GATM: variants seen among roughly 807,000 people sequenced by gnomAD.
GATM encodes the protein glycine amidinotransferase, mitochondrial.
GATM carries 23 observed loss-of-function variants against 54.2 expected under a neutral mutation model. The observed-to-expected ratio is 0.42, with a 90% CI of 0.31 to 0.60. The LOEUF (loss-of-function observed/expected upper bound fraction) is 0.60. Among genes scored for constraint, GATM ranks in the 20% least tolerant of loss-of-function variants. The pLI, the probability that GATM is intolerant of heterozygous loss-of-function variation, is 0.14. For synonymous variants in GATM, 168 were observed against 183.1 expected (o/e 0.92, Z 0.67); for missense variants, 401 against 544.9 (o/e 0.74, Z 2.63).
At position 45,364,877 on chromosome 15, in the gene GATM, A is replaced by C. The variant is rs1889423996; in HGVS notation, c.979-17T>G. ...AAGATCAATCTGTAAGACCAAAAAA[A>C]ACCCCCAAAACCGTTAAATCTACAT... On this transcript the variant is annotated splice_polypyrimidine_tract_variant and intron_variant, in intron 6 of 8. Coordinates refer to ENST00000396659, the MANE Select transcript of GATM (RefSeq NM_001482.3). The C allele has an allele frequency of 1.2e-6, 2 of 1,609,700 alleles. No homozygotes were observed. Among genetic ancestry groups the C allele is most frequent in the East Asian group, 2.2e-5 (1 of 44,856 alleles).
At chr15:45,384,659 C>T (rs1039666913) in intron 3 of GATM, among the ~76,000 whole-genome samples, 4 of 152,136 alleles carry the variant, frequency 2.6e-5, no homozygotes, top group African/African-American at 4.8e-5. Flanking sequence ...GCTCCACTCA[C>T]GCCACTGAGA....
intron 3 of GATM, among the ~76,000 whole-genome samples, chr15:45,386,854 C>T (rs187989036): frequency 1.3e-3 from 197 of 152,272 alleles, no homozygotes; most frequent in South Asian, 4.1e-3. Flanking sequence ...AGTGACAAAA[C>T]GTCCTCCATA....
At chr15:45,401,855 A>T (rs1317803421) in intron 1 of GATM, 1 of 152,534 alleles carries the variant, frequency 6.6e-6, no homozygotes, top group Non-Finnish European at 1.5e-5. Flanking sequence ...ACTTTCCCAT[A>T]GGAAGGGTTG....
chr15:45,391,218 A>C (rs2140677498), intron 3 of GATM, among the ~76,000 whole-genome samples: 1 of 151,804 alleles, frequency 6.6e-6, no homozygotes, highest in Middle Eastern at 3.4e-3. Flanking sequence ...CAGCCTGGCC[A>C]ACACGGTGAA....
intron 6 of GATM, among the ~76,000 whole-genome samples, chr15:45,365,624 G>T (rs1883274209): frequency 6.6e-6 from 1 of 152,200 alleles, no homozygotes; most frequent in South Asian, 2.1e-4. Flanking sequence ...CTACAGAGCA[G>T]GGTTGGCCAA....
intron 2 of GATM, chr15:45,399,419 T>C (rs975519185): frequency 3.3e-5 from 5 of 152,174 alleles, no homozygotes; most frequent in African/African-American, 1.2e-4. Flanking sequence ...TGGGAGGTGA[T>C]TAGGTCACGA....
chr15:45,377,141 A>G, intron 1 of GATM: 1 of 461,686 alleles, frequency 2.2e-6, no homozygotes, highest in South Asian at 1.7e-5. Context: ...GCTTTAAGCA[A>G]CTGTTTTGCA....
chr15:45,394,012 G>C (rs1440951156), intron 3 of GATM, among the ~76,000 whole-genome samples: 8 of 152,172 alleles, frequency 5.3e-5, no homozygotes, highest in Admixed American at 5.2e-4. Context: ...TAGAATGAAA[G>C]ATCAAAGATG....
intron 2 of GATM, among the ~76,000 whole-genome samples, chr15:45,376,362 A>G (rs542203290): frequency 1.3e-5 from 2 of 152,198 alleles, no homozygotes; most frequent in Non-Finnish European, 2.9e-5. Flanking sequence ...ACAGTGAAAG[A>G]ACTATTATTC....
chr15:45,387,393 T>C (rs1889815482), intron 3 of GATM, among the ~76,000 whole-genome samples: 2 of 152,140 alleles, frequency 1.3e-5, no homozygotes, highest in South Asian at 4.1e-4. Context: ...AGTATAGGAC[T>C]AATCCCTCAT....
upstream of GATM, chr15:45,380,372 A>AT (rs902845340): frequency 3.9e-5 from 6 of 152,076 alleles, no homozygotes; most frequent in Admixed American, 3.3e-4. Context: ...CTGCCACTTA[A>AT]TTTGCTGTGT....
chr15:45,393,149 G>A (rs1889889862), intron 3 of GATM, among the ~76,000 whole-genome samples: 1 of 152,186 alleles, frequency 6.6e-6, no homozygotes, highest in African/African-American at 2.4e-5. Flanking sequence ...AACCTATGAG[G>A]TAGGTATTAG....
intron 4 of GATM, among the ~76,000 whole-genome samples, chr15:45,367,804 C>G (rs1416800392): frequency 6.6e-6 from 1 of 152,098 alleles, no homozygotes; most frequent in Non-Finnish European, 1.5e-5. Flanking sequence ...TTGTGAAAAA[C>G]AAACAGGATT....
rs1174718826 is a variant in GATM at position 45,368,896 on chromosome 15, TC to T, written c.484+429del. Among the ~76,000 whole-genome samples, 1 of 152,110 alleles carries T rather than the reference TC, an allele frequency of 6.6e-6. No homozygotes were observed. The highest frequency in any genetic ancestry group is 1.5e-5 in the Non-Finnish European group (1 of 68,028). On this transcript the variant is annotated intron_variant, in intron 3 of 8. Coordinates refer to ENST00000396659, the MANE Select transcript of GATM (RefSeq NM_001482.3). This position sits in a 1 kb window ranked among gnomAD's most constrained non-coding sequence, Gnocchi z 5.1. ...CAGAAACACAGCTCTTAAAGGACTA[TC>T]GGTATCACAAGATAAAAATTGAGCC...
At chr15:45,378,004 C>G (rs1448381553) in intron 1 of GATM, 2 of 187,798 alleles carry the variant, frequency 1.1e-5, no homozygotes, top group Admixed American at 1.2e-4. Context: ...CACCCTTTTA[C>G]TAAGAGGAGC....
chr15:45,369,897 G>A (rs919537390), intron 2 of GATM, among the ~76,000 whole-genome samples: 1 of 151,986 alleles, frequency 6.6e-6, no homozygotes, highest in Non-Finnish European at 1.5e-5. Flanking sequence ...AATGAAACAA[G>A]AGAACACACA....
At position 45,362,028 on chromosome 15, in the gene GATM, C is replaced by T; in HGVS notation, c.*81G>A. ...TGTTTAAAGCACTACAGTTCATGCACTTTTTAAAGCAGGAGAATGAACCTT... is the reference window on the plus strand; with the variant it reads ...TGTTTAAAGCACTACAGTTCATGCATTTTTTAAAGCAGGAGAATGAACCTT... On this transcript the variant is annotated 3_prime_UTR_variant, in exon 9 of 9. Transcript: ENST00000396659. The T allele has an allele frequency of 2.3e-6, 2 of 852,744 alleles. No individual in the cohort carries two copies. The highest frequency in any genetic ancestry group is 2.5e-5 in the East Asian group (1 of 40,168). The allele number at this position is 852,744 out of a possible 1,614,324, so 52.8% of individuals were successfully genotyped here.
intron 2 of GATM, among the ~76,000 whole-genome samples, chr15:45,375,215 C>T (rs1193893685): frequency 6.6e-6 from 1 of 152,104 alleles, no homozygotes; most frequent in Admixed American, 6.5e-5. Flanking sequence ...GGACTACAGG[C>T]ACCCGCCACC....
At chr15:45,369,679 T>G (rs1889507700) in intron 2 of GATM, 158 bp from the exon 3 acceptor site, 1 of 685,498 alleles carries the variant, frequency 1.5e-6, no homozygotes, top group Non-Finnish European at 2.6e-6. Context: ...ACATAAGCCC[T>G]CTGGGCAGAC....
Sources: allele counts gnomAD v4.1 joint callset (sites outside exome capture counted in the v4.1 genomes callset), GRCh38; gene constraint gnomAD v4.1.1; non-coding constraint Gnocchi (gnomAD v3.1); transcripts MANE v1.5; gene names NCBI Gene and HGNC (gene_info 2026-07-23, HGNC 2026-07-21).